The following PITPNC1 variants were observed in gnomAD, a reference collection of about 807,000 sequenced individuals.
PITPNC1 encodes phosphatidylinositol transfer protein cytoplasmic 1.
Under a neutral mutation model 44.7 loss-of-function variants are expected in PITPNC1, and 18 were observed. The observed-to-expected ratio is 0.40, with a 90% CI of 0.28 to 0.60. The LOEUF is 0.60. Among genes scored for constraint, PITPNC1 ranks in the 20% least tolerant of loss-of-function variants. PITPNC1 has a pLI of 0.39. For missense variants in PITPNC1, 290 were observed against 418.4 expected (o/e 0.69, Z 2.68); for synonymous variants, 141 against 149.6 (o/e 0.94, Z 0.42).
intron 1 of PITPNC1, among the ~76,000 whole-genome samples, chr17:67,384,314 C>T (rs1386995124): frequency 6.6e-6 from 1 of 152,150 alleles, no homozygotes; most frequent in Non-Finnish European, 1.5e-5. Flanking sequence ...CCCCCAGGGT[C>T]CCCAGAGAGT....
rs374793848 is a variant in PITPNC1 at position 67,669,074 on chromosome 17, A to C, written c.463-434A>C. On this transcript the variant is annotated intron_variant, in intron 6 of 8. Coordinates refer to ENST00000581322, the MANE Select transcript of PITPNC1 (RefSeq NM_012417.4). Reference sequence around the variant, plus strand: ...CTACATCCCTTCCTTTCCTCAATCCATGTCAACTACTAATCTACTTTCTGT... The same window carrying C: ...CTACATCCCTTCCTTTCCTCAATCCCTGTCAACTACTAATCTACTTTCTGT... 7.9e-5 allele frequency among the ~76,000 whole-genome samples: 12 copies of C among 152,100 alleles called. No homozygotes were observed. In the East Asian group the frequency reaches 2.3e-3, roughly 29 times the overall value.
intron 5 of PITPNC1, among the ~76,000 whole-genome samples, chr17:67,579,580 A>G (rs892420074): frequency 2.7e-5 from 4 of 147,652 alleles, no homozygotes; most frequent in African/African-American, 1.0e-4. Context: ...ACAGTGTCAC[A>G]CTGTGTTTCA....
At chr17:67,505,259 T>G (rs2040085493) in intron 1 of PITPNC1, among the ~76,000 whole-genome samples, 2 of 152,222 alleles carry the variant, frequency 1.3e-5, no homozygotes, top group Admixed American at 1.3e-4. Flanking sequence ...GTCTTCTGTT[T>G]CCATGTTGAT....
At chr17:67,477,644 C>T (rs2039649271) in intron 1 of PITPNC1, among the ~76,000 whole-genome samples, 1 of 152,102 alleles carries the variant, frequency 6.6e-6, no homozygotes, top group Non-Finnish European at 1.5e-5. Context: ...AAGTGATCCT[C>T]CACCTCAGCC....
chr17:67,551,056 G>T (rs540000507), intron 2 of PITPNC1, among the ~76,000 whole-genome samples: 1 of 151,950 alleles, frequency 6.6e-6, no homozygotes, highest in Non-Finnish European at 1.5e-5. Context: ...GCGAGACTCC[G>T]TGTCAAAACA....
At chr17:67,609,653 G>A (rs976379996) in intron 5 of PITPNC1, among the ~76,000 whole-genome samples, 1 of 152,052 alleles carries the variant, frequency 6.6e-6, no homozygotes, top group Non-Finnish European at 1.5e-5. Context: ...GTCACCCCAA[G>A]AGAGAGCAGG....
chr17:67,380,505 G>T (rs997749494), intron 1 of PITPNC1, among the ~76,000 whole-genome samples: 9 of 152,174 alleles, frequency 5.9e-5, no homozygotes, highest in African/African-American at 1.9e-4. Flanking sequence ...TTCATATTCT[G>T]AAGTCATTTT....
intron 1 of PITPNC1, among the ~76,000 whole-genome samples, chr17:67,473,276 C>G (rs553350629): frequency 6.6e-6 from 1 of 152,092 alleles, no homozygotes; most frequent in South Asian, 2.1e-4. Context: ...CTCAAGCTGT[C>G]TACCCACCTC....
chr17:67,684,827 T>A (rs1362215178), intron 8 of PITPNC1, among the ~76,000 whole-genome samples: 1 of 152,222 alleles, frequency 6.6e-6, no homozygotes, highest in East Asian at 1.9e-4. Flanking sequence ...AAACCCTTTT[T>A]CACATCCATA....
intron 7 of PITPNC1, among the ~76,000 whole-genome samples, chr17:67,673,335 C>T (rs1442070152): frequency 6.6e-6 from 1 of 152,102 alleles, no homozygotes; most frequent in Non-Finnish European, 1.5e-5. Context: ...TGTAAAAAGA[C>T]ATATTTACCC....
At chr17:67,437,722 G>A (rs1272878865) in intron 1 of PITPNC1, among the ~76,000 whole-genome samples, 2 of 152,126 alleles carry the variant, frequency 1.3e-5, no homozygotes, top group African/African-American at 4.8e-5. Context: ...ACTCAAAGGA[G>A]CTCTAAGATC....
intron 1 of PITPNC1, among the ~76,000 whole-genome samples, chr17:67,460,740 C>CTTTTTTTTTTT (rs138545288): frequency 8.2e-6 from 1 of 121,534 alleles, no homozygotes; most frequent in Admixed American, 9.0e-5. Context: ...TTCTTTCTTT[C>CTTTTTTTTTTT]TTTTTTTTTT....
At chr17:67,529,240 A>G (rs1211633916) in intron 1 of PITPNC1, among the ~76,000 whole-genome samples, 1 of 152,168 alleles carries the variant, frequency 6.6e-6, no homozygotes, top group Non-Finnish European at 1.5e-5. Context: ...ACTCGAGCTG[A>G]GCCCAGCCAG....
At chr17:67,532,496 G>A (rs1297046908) in intron 1 of PITPNC1, among the ~76,000 whole-genome samples, 2 of 152,154 alleles carry the variant, frequency 1.3e-5, no homozygotes, top group Non-Finnish European at 1.5e-5. Flanking sequence ...AGAATGCAAA[G>A]GGAGACTCCA....
At chr17:67,505,103 C>T (rs2040083825) in intron 1 of PITPNC1, among the ~76,000 whole-genome samples, 1 of 152,074 alleles carries the variant, frequency 6.6e-6, no homozygotes. Context: ...GAGTTCAGTC[C>T]TTTTAAATTT....
intron 1 of PITPNC1, among the ~76,000 whole-genome samples, chr17:67,454,426 C>T (rs2092325752): frequency 6.6e-6 from 1 of 152,012 alleles, no homozygotes; most frequent in Non-Finnish European, 1.5e-5. Context: ...CACAGAGTTG[C>T]TGTATAGATT....
intron 7 of PITPNC1, among the ~76,000 whole-genome samples, chr17:67,672,391 T>C (rs953622062): frequency 1.3e-5 from 2 of 149,480 alleles, no homozygotes; most frequent in Admixed American, 6.7e-5. Flanking sequence ...AGGTCAGGAG[T>C]AGTTCGAGAC....
At chr17:67,540,349 C>T (rs2040589972) in intron 2 of PITPNC1, among the ~76,000 whole-genome samples, 1 of 152,128 alleles carries the variant, frequency 6.6e-6, no homozygotes, top group Non-Finnish European at 1.5e-5. Flanking sequence ...AAATGATCCT[C>T]CCACCTTGGC....
At chr17:67,442,556 A>AT (rs1195793323) in intron 1 of PITPNC1, among the ~76,000 whole-genome samples, 1 of 151,856 alleles carries the variant, frequency 6.6e-6, no homozygotes, top group East Asian at 1.9e-4. Context: ...AAAAAAATGC[A>AT]TTATGGCTGG....
Sources: allele counts gnomAD v4.1 joint callset (sites outside exome capture counted in the v4.1 genomes callset), GRCh38; gene constraint gnomAD v4.1.1; transcripts MANE v1.5; gene names NCBI Gene and HGNC (gene_info 2026-07-23, HGNC 2026-07-21).